TMEM65: variants seen among roughly 807,000 people sequenced by gnomAD.
The protein encoded by TMEM65 is transmembrane protein 65.
A neutral mutation model predicts 25.4 loss-of-function variants in TMEM65; 22 were observed. That is an observed-to-expected ratio of 0.86 (90% CI 0.62 to 1.23). TMEM65 has a LOEUF of 1.23. TMEM65 is among the 50% of genes most tolerant of loss of function. The pLI, the probability that TMEM65 is intolerant of heterozygous loss-of-function variation, is 0.00. For missense variants in TMEM65, 262 were observed against 308.2 expected (o/e 0.85, Z 1.12); for synonymous variants, 132 against 126.2 (o/e 1.05, Z -0.31).
At chr8:124,328,177 G>A (rs895103069) in intron 2 of TMEM65, among the ~76,000 whole-genome samples, 17 of 151,156 alleles carry the variant, frequency 1.1e-4, no homozygotes, top group African/African-American at 2.0e-4. Flanking sequence ...AGGCTGAGGC[G>A]GGCGGATCAT....
At chr8:124,359,309 GGAAGCAGCAAACAC>G in intron 1 of TMEM65, among the ~76,000 whole-genome samples, 1 of 152,090 alleles carries the variant, frequency 6.6e-6, no homozygotes, top group Non-Finnish European at 1.5e-5. Context: ...ATTAAGCCCT[GGAAGCAGCAAACAC>G]TTAAAGAGAT....
chr8:124,347,271 AAT>A (rs1244784680), intron 1 of TMEM65, among the ~76,000 whole-genome samples: 1 of 152,198 alleles, frequency 6.6e-6, no homozygotes, highest in Non-Finnish European at 1.5e-5. Flanking sequence ...ATTATTTCTA[AAT>A]ATATATGTCT....
chr8:124,371,744 G>A (rs1054656352), intron 1 of TMEM65, 110 bp downstream of exon 1: 72 of 1,106,984 alleles, frequency 6.5e-5, no homozygotes, highest in Non-Finnish European at 8.1e-5. Context: ...GGGCGGAAGG[G>A]GGGCGGCGGC....
Position 124,372,296 on chromosome 8 carries a change from A to C in TMEM65, c.-139T>G. ...GCAGCCGAGGCGCCGGGCACCATGC[A>C]CTCCGCGGGCCCGCGCGGCTCTCGC... is the stretch of plus-strand genomic sequence containing the variant. On this transcript the variant is annotated 5_prime_UTR_variant, in exon 1 of 7. Transcript: ENST00000297632. The C allele has an allele frequency of 4.0e-6, 3 of 745,468 alleles. No individual in the cohort carries two copies. The highest frequency in any genetic ancestry group is 5.1e-6 in the Non-Finnish European group (3 of 591,576). The allele number at this position is 745,468 out of a possible 1,614,324, so 46.2% of individuals were successfully genotyped here. A position where few individuals can be genotyped will look rare whatever the true frequency, so the allele number is the denominator to read the frequency against.
intron 1 of TMEM65, among the ~76,000 whole-genome samples, chr8:124,332,088 T>G (rs1402853276): frequency 1.3e-5 from 2 of 152,120 alleles, no homozygotes; most frequent in Non-Finnish European, 2.9e-5. Flanking sequence ...TATACTAATC[T>G]TACAGAATTT....
intron 2 of TMEM65, among the ~76,000 whole-genome samples, chr8:124,330,359 G>A (rs1259921433): frequency 6.6e-6 from 1 of 151,790 alleles, no homozygotes; most frequent in Non-Finnish European, 1.5e-5. Context: ...CAGCCAGCCG[G>A]AAACATTTTC....
intron 1 of TMEM65, among the ~76,000 whole-genome samples, chr8:124,358,053 C>G (rs2131224778): frequency 6.6e-6 from 1 of 152,194 alleles, no homozygotes; most frequent in East Asian, 1.9e-4. Context: ...TGGTCTCAAA[C>G]TCCTGACTTC....
intron 1 of TMEM65, among the ~76,000 whole-genome samples, chr8:124,362,378 T>C (rs1319516816): frequency 6.6e-6 from 1 of 151,594 alleles, no homozygotes; most frequent in Non-Finnish European, 1.5e-5. Flanking sequence ...ATAGAAAAAA[T>C]TGGCTGGTCG....
rs1814328928 is a variant in TMEM65, at chr8:124,323,352, A to C, written c.441T>G (p.Ile147Met). 1.3e-6 allele frequency: 2 copies of C among 1,509,716 alleles called. No individual in the cohort carries two copies. Among genetic ancestry groups the C allele is most frequent in the South Asian group, 2.4e-5 (2 of 82,474 alleles). The allele number at this position is 1,509,716 out of a possible 1,614,324, so 93.5% of individuals were successfully genotyped here. Residue 147 changes from isoleucine (I) to methionine (M), a missense_variant, in exon 4 of 7, where the codon ATT (isoleucine) becomes ATG (methionine). By Grantham distance (10) the Ile-to-Met change is conservative (BLOSUM62 1). Transcript: ENST00000297632. ...IVAGTHIEMS[I>M]GIILGISTMA... is the part of the protein sequence containing the mutation. Reference sequence around the variant, plus strand: ...TAGTTGAAATTCCCAAAATAATTCCAATAGACATTTCAATATGGGTTCCCT... The same window carrying C: ...TAGTTGAAATTCCCAAAATAATTCCCATAGACATTTCAATATGGGTTCCCT...
chr8:124,354,456 T>C (rs1447655267), intron 1 of TMEM65, among the ~76,000 whole-genome samples: 1 of 152,194 alleles, frequency 6.6e-6, no homozygotes, highest in Admixed American at 6.5e-5. Flanking sequence ...GTACATAATC[T>C]GATCCTTAGC....
intron 2 of TMEM65, among the ~76,000 whole-genome samples, chr8:124,329,288 A>G (rs1814403975): frequency 6.6e-6 from 1 of 152,028 alleles, no homozygotes; most frequent in African/African-American, 2.4e-5. Context: ...AGCTTCCAGA[A>G]CCAATACACA....
intron 1 of TMEM65, among the ~76,000 whole-genome samples, chr8:124,335,350 C>T (rs939464889): frequency 2.0e-5 from 3 of 152,018 alleles, no homozygotes; most frequent in Non-Finnish European, 4.4e-5. Flanking sequence ...ACAGAAAGTG[C>T]AAGAGAAATT....
chr8:124,351,192 T>C, intron 1 of TMEM65: 1 of 861,388 alleles, frequency 1.2e-6, no homozygotes, highest in Non-Finnish European at 1.4e-6. Context: ...TTAAAATATA[T>C]ATAAAACTTA....
intron 1 of TMEM65, among the ~76,000 whole-genome samples, chr8:124,371,413 G>C (rs1028648235): frequency 1.3e-5 from 2 of 152,164 alleles, no homozygotes. Context: ...GTTTCTTCCT[G>C]CCAGGCGGGT....
chr8:124,315,613 G>A (rs549679721), intron 6 of TMEM65, among the ~76,000 whole-genome samples: 154 of 152,016 alleles, frequency 1.0e-3, no homozygotes, highest in East Asian at 3.5e-3. Flanking sequence ...GAGCCACCCC[G>A]CCCAGCCCAC....
In TMEM65 at chr8:124,312,732, C is replaced by T. The variant is rs1237843255; in HGVS notation, c.*1228G>A. 6.6e-6 allele frequency: 1 copy of T among 151,552 alleles called. No individual in the cohort carries two copies. Among genetic ancestry groups the T allele is most frequent in the Non-Finnish European group, 1.5e-5 (1 of 67,760 alleles). 9.4% of individuals were successfully genotyped at this position (151,552 alleles called of 1,614,324 possible). A position where few individuals can be genotyped will look rare whatever the true frequency, so the allele number is the denominator to read the frequency against. ...AAGACTAGAAATAAGTAACTTCAAC[C>T]TAAAATATGCTTTAAATACCACAAA... On this transcript the variant is annotated 3_prime_UTR_variant, in exon 7 of 7. Transcript: ENST00000297632.
At chr8:124,344,860 C>A (rs898536458) in intron 1 of TMEM65, among the ~76,000 whole-genome samples, 2 of 151,964 alleles carry the variant, frequency 1.3e-5, no homozygotes, top group Admixed American at 6.6e-5. Flanking sequence ...ATGGTTAGAA[C>A]AATAAAAACA....
intron 1 of TMEM65, among the ~76,000 whole-genome samples, chr8:124,362,841 G>A (rs568342090): frequency 6.6e-6 from 1 of 152,066 alleles, no homozygotes; most frequent in African/African-American, 2.4e-5. Context: ...AAGAAAGAAA[G>A]AGTAAATGTG....
At chr8:124,368,614 G>A (rs1162070072) in intron 1 of TMEM65, among the ~76,000 whole-genome samples, 1 of 152,216 alleles carries the variant, frequency 6.6e-6, no homozygotes, top group Non-Finnish European at 1.5e-5. Context: ...TGCTCTAGAG[G>A]AAACCCACTG....
Sources: gnomAD v4.1 joint callset for allele counts (sites outside exome capture counted in the v4.1 genomes callset) on GRCh38, gnomAD v4.1.1 for gene constraint, MANE v1.5 for transcripts, NCBI Gene and HGNC (gene_info 2026-07-23, HGNC 2026-07-21) for gene names.